Variants in GPR158 observed in about 807,000 individuals in gnomAD.
GPR158 encodes G protein-coupled receptor 158.
In GPR158, 30 loss-of-function variants were observed where a neutral mutation model predicts 78.2. The observed-to-expected ratio is 0.38, with a 90% confidence interval of 0.29 to 0.52. GPR158 has a LOEUF of 0.52. GPR158 is among the 20% of genes least tolerant of loss of function. The probability of loss-of-function intolerance (pLI) is 0.83; values close to 1 mark genes in which losing one functional copy is unlikely to be tolerated. For missense variants in GPR158, 1,463 were observed against 1,523.5 expected (o/e 0.96, Z 0.66); for synonymous variants, 581 against 591.1 (o/e 0.98, Z 0.25).
Position 25,510,383 on chromosome 10 carries a change from A to T in GPR158, c.1405-40593A>T, listed in dbSNP as rs554996487. On this transcript the variant is annotated intron_variant, in intron 5 of 10. Transcript: ENST00000376351. Reference sequence around the variant, plus strand: ...TATTGTATAGGAGCTTCACATTTTAATAGAATAGCCATGTTGTAAACCCCT... The same window carrying T: ...TATTGTATAGGAGCTTCACATTTTATTAGAATAGCCATGTTGTAAACCCCT... 1.1e-3 allele frequency among the ~76,000 whole-genome samples: 161 copies of T among 152,342 alleles called. 3 individuals are homozygous for T. In the South Asian group the frequency reaches 0.032, roughly 30 times the overall value.
intron 6 of GPR158, 42 bp from the exon 7 acceptor site, chr10:25,572,607 A>C (rs1327448748): frequency 8.3e-7 from 1 of 1,203,086 alleles, no homozygotes. Context: ...ATACTTTCTG[A>C]ATGTTAGGTT....
chr10:25,471,215 T>A (rs1835496039), intron 5 of GPR158, among the ~76,000 whole-genome samples: 1 of 151,474 alleles, frequency 6.6e-6, no homozygotes, highest in South Asian at 2.1e-4. Context: ...GGTGTTTGGT[T>A]TTTTGTCCTT....
intron 2 of GPR158, chr10:25,244,618 C>A (rs1853665630): frequency 6.6e-6 from 1 of 152,158 alleles, no homozygotes; most frequent in African/African-American, 2.4e-5. Flanking sequence ...CAAAGCAGGT[C>A]TGAGTCCTTA....
intron 5 of GPR158, among the ~76,000 whole-genome samples, chr10:25,494,694 C>A (rs915894466): frequency 1.3e-5 from 2 of 151,668 alleles, no homozygotes; most frequent in East Asian, 3.9e-4. Flanking sequence ...ATGTTTCAGG[C>A]GATTTTAAAC....
intron 2 of GPR158, chr10:25,244,838 C>G (rs1182388843): frequency 2.0e-5 from 3 of 149,884 alleles, no homozygotes; most frequent in Non-Finnish European, 4.4e-5. Context: ...TCTTTGTATC[C>G]TAGACTTTTT....
intron 5 of GPR158, among the ~76,000 whole-genome samples, chr10:25,515,404 A>AC (rs1191432894): frequency 6.6e-6 from 1 of 150,590 alleles, no homozygotes; most frequent in Admixed American, 6.6e-5. Context: ...GTTTTAGGGT[A>AC]CATGTGCACA....
At chr10:25,340,279 G>T (rs1047800199) in intron 2 of GPR158, among the ~76,000 whole-genome samples, 2 of 151,974 alleles carry the variant, frequency 1.3e-5, no homozygotes, top group African/African-American at 4.8e-5. Context: ...CAGCAAGAGG[G>T]TTGATTTGAA....
At chr10:25,468,659 G>C (rs1835455848) in intron 5 of GPR158, among the ~76,000 whole-genome samples, 1 of 152,150 alleles carries the variant, frequency 6.6e-6, no homozygotes, top group East Asian at 1.9e-4. Context: ...TATGGTGCTA[G>C]TGGCTTAGGT....
chr10:25,585,845 G>A (rs538261850), intron 7 of GPR158, among the ~76,000 whole-genome samples: 1 of 152,230 alleles, frequency 6.6e-6, no homozygotes, highest in East Asian at 1.9e-4. Context: ...CAGGCATGGT[G>A]GCTCATGCCT....
At chr10:25,252,596 G>T (rs1281493866) in intron 2 of GPR158, among the ~76,000 whole-genome samples, 2 of 151,946 alleles carry the variant, frequency 1.3e-5, no homozygotes, top group South Asian at 4.2e-4. Flanking sequence ...GTGTGCCCCT[G>T]CTGGGGGGTG....
intron 2 of GPR158, among the ~76,000 whole-genome samples, chr10:25,285,802 C>A (rs1854342917): frequency 6.6e-6 from 1 of 152,192 alleles, no homozygotes. Flanking sequence ...CACCTAAAAT[C>A]AAACATTTAC....
chr10:25,329,103 A>G (rs989817157), intron 2 of GPR158, among the ~76,000 whole-genome samples: 5 of 152,014 alleles, frequency 3.3e-5, no homozygotes, highest in African/African-American at 1.2e-4. Context: ...TGAAATGCTT[A>G]TAAATTTGTT....
intron 4 of GPR158, among the ~76,000 whole-genome samples, chr10:25,444,482 ATG>A (rs1835111885): frequency 6.7e-6 from 1 of 149,632 alleles, no homozygotes. Context: ...AGGTGCATGT[ATG>A]TGTGGGGGAA....
chr10:25,371,036 T>G (rs1833982610), intron 2 of GPR158, among the ~76,000 whole-genome samples: 1 of 147,204 alleles, frequency 6.8e-6, no homozygotes, highest in African/African-American at 2.5e-5. Flanking sequence ...TCTTCCTCCA[T>G]CCTTTTATTT....
intron 1 of GPR158, among the ~76,000 whole-genome samples, chr10:25,184,198 T>C (rs1852651570): frequency 1.3e-5 from 2 of 152,212 alleles, no homozygotes; most frequent in South Asian, 4.1e-4. Flanking sequence ...AATTTTTTTA[T>C]TTTTTATTTT....
chr10:25,461,270 T>G (rs902999130), intron 4 of GPR158, among the ~76,000 whole-genome samples: 1 of 152,198 alleles, frequency 6.6e-6, no homozygotes, highest in African/African-American at 2.4e-5. Context: ...CCTCTTGCAC[T>G]AACTAGCCGA....
At chr10:25,177,748 G>C (rs1393891676) in intron 1 of GPR158, among the ~76,000 whole-genome samples, 1 of 152,202 alleles carries the variant, frequency 6.6e-6, no homozygotes, top group East Asian at 1.9e-4. Context: ...ACTTGCAAAG[G>C]CATAAAGGAT....
At chr10:25,457,993 T>C (rs1295015235) in intron 4 of GPR158, among the ~76,000 whole-genome samples, 1 of 152,268 alleles carries the variant, frequency 6.6e-6, no homozygotes, top group Non-Finnish European at 1.5e-5. Flanking sequence ...TGATAAATCA[T>C]AATTAATAAT....
intron 2 of GPR158, among the ~76,000 whole-genome samples, chr10:25,312,300 T>C (rs1457457106): frequency 6.6e-6 from 1 of 152,070 alleles, no homozygotes; most frequent in African/African-American, 2.4e-5. Flanking sequence ...CACCGAGTTA[T>C]GTAGATATTT....
Sources: gnomAD v4.1 joint callset for allele counts (sites outside exome capture counted in the v4.1 genomes callset) on GRCh38, gnomAD v4.1.1 for gene constraint, MANE v1.5 for transcripts, NCBI Gene and HGNC (gene_info 2026-07-23, HGNC 2026-07-21) for gene names.